ERLIN1: variants seen among roughly 807,000 people sequenced by gnomAD.
The protein encoded by ERLIN1 is ER lipid raft associated 1, also known as erlin-1.
In ERLIN1, 24 loss-of-function variants were observed where a neutral mutation model predicts 46.9. The observed-to-expected ratio is 0.51, with a 90% CI of 0.37 to 0.72. The LOEUF is 0.72. Among genes scored for constraint, ERLIN1 ranks in the 30% least tolerant of loss-of-function variants. The pLI is 0.00. For synonymous variants in ERLIN1, 158 were observed against 143.2 expected (o/e 1.10, Z -0.74); for missense variants, 293 against 417.9 (o/e 0.70, Z 2.61).
intron 7 of ERLIN1, among the ~76,000 whole-genome samples, chr10:100,165,671 G>A (rs1843597502): frequency 6.6e-6 from 1 of 152,140 alleles, no homozygotes; most frequent in Non-Finnish European, 1.5e-5. Flanking sequence ...ACAGGCATGA[G>A]CCACCGCACC....
At chr10:100,156,060 C>T in intron 9 of ERLIN1, 85 bp downstream of exon 9, 1 of 811,286 alleles carries the variant, frequency 1.2e-6, no homozygotes, top group Non-Finnish European at 2.1e-6. Flanking sequence ...GGCCTTCTCA[C>T]CCACCACAAT....
intron 6 of ERLIN1, among the ~76,000 whole-genome samples, chr10:100,171,965 G>A (rs1844025539): frequency 6.6e-6 from 1 of 152,086 alleles, no homozygotes; most frequent in Non-Finnish European, 1.5e-5. Context: ...ATGAGGGGGG[G>A]AGCTGCTAAA....
At chr10:100,182,911 T>C (rs1362426251) in intron 2 of ERLIN1, among the ~76,000 whole-genome samples, 3 of 152,202 alleles carry the variant, frequency 2.0e-5, no homozygotes, top group Non-Finnish European at 2.9e-5. Context: ...AGGGGAAGAA[T>C]ACATTTCACT....
chr10:100,154,770 T>A (rs1313770660), intron 10 of ERLIN1, 90 bp downstream of exon 10: 1 of 1,005,344 alleles, frequency 9.9e-7, no homozygotes, highest in East Asian at 2.5e-5. Flanking sequence ...TGACAATGGA[T>A]AAAATCACTT....
At chr10:100,157,187 T>C (rs1843125758) in intron 8 of ERLIN1, among the ~76,000 whole-genome samples, 1 of 152,208 alleles carries the variant, frequency 6.6e-6, no homozygotes, top group Non-Finnish European at 1.5e-5. Context: ...AGTTTTACTA[T>C]ACTCAGGATC....
rs1040740453 is a variant in ERLIN1, at chr10:100,150,944, G to A, written c.*1187C>T. ...AGTGGAATCCTGATCTCCTGGGGGAGGTGACAGCTGGAGAAACAACTTGGA... is the reference window on the plus strand; with the variant it reads ...AGTGGAATCCTGATCTCCTGGGGGAAGTGACAGCTGGAGAAACAACTTGGA... On this transcript the variant is annotated 3_prime_UTR_variant, in exon 11 of 11. Coordinates refer to ENST00000421367, the MANE Select transcript of ERLIN1 (RefSeq NM_006459.4). 1.1e-4 allele frequency: 16 copies of A among 152,230 alleles called. No individual in the cohort carries two copies. The highest frequency in any genetic ancestry group is 3.4e-4 in the African/African-American group (14 of 41,444). 9.4% of individuals were successfully genotyped at this position (152,230 alleles called of 1,614,324 possible). A position where few individuals can be genotyped will look rare whatever the true frequency, so the allele number is the denominator to read the frequency against.
chr10:100,167,273 G>T, intron 7 of ERLIN1, 75 bp downstream of exon 7: 3 of 1,073,192 alleles, frequency 2.8e-6, no homozygotes, highest in Non-Finnish European at 4.3e-6. Flanking sequence ...TGTCTCACAT[G>T]TTTCCTCTAG....
At chr10:100,181,924 T>C (rs1414317733) in intron 2 of ERLIN1, among the ~76,000 whole-genome samples, 10 of 152,352 alleles carry the variant, frequency 6.6e-5, no homozygotes, top group Middle Eastern at 3.4e-3. Context: ...CTAGCCCATG[T>C]AAAACTTTTT....
In ERLIN1 at chr10:100,185,631, G is replaced by T; in HGVS notation, c.-5C>A. On this transcript the variant is annotated 5_prime_UTR_variant, in exon 1 of 11. Transcript: ENST00000421367. The stretch of plus-strand genomic sequence containing the variant: ...CCGGGCTTGAGTCATATTCATTCTC[G>T]TTCCTCCTGGGAGCGGGAGAAAAGG... 6.2e-7 allele frequency: 1 copy of T among 1,612,498 alleles called. No individual in the cohort carries two copies. The highest frequency in any genetic ancestry group is 8.5e-7 in the Non-Finnish European group (1 of 1,178,526).
Position 100,151,207 on chromosome 10 carries a change from G to T in ERLIN1, c.*924C>A, listed in dbSNP as rs2134088866. 6.5e-6 allele frequency: 1 copy of T among 152,748 alleles called. No homozygotes were observed. The highest frequency in any genetic ancestry group is 2.1e-4 in the South Asian group (1 of 4,826). 9.5% of individuals were successfully genotyped at this position (152,748 alleles called of 1,614,324 possible). A position where few individuals can be genotyped will look rare whatever the true frequency, so the allele number is the denominator to read the frequency against. On this transcript the variant is annotated 3_prime_UTR_variant, in exon 11 of 11. Transcript: ENST00000421367. ...TCCTGTAATTATGATACAATACTGTGCAGCAAGTCACTAGGAATTGCATGC... is the reference window on the plus strand; with the variant it reads ...TCCTGTAATTATGATACAATACTGTTCAGCAAGTCACTAGGAATTGCATGC...
chr10:100,184,820 G>A (rs1401514403), intron 1 of ERLIN1, among the ~76,000 whole-genome samples: 2 of 152,154 alleles, frequency 1.3e-5, no homozygotes, highest in East Asian at 1.9e-4. Flanking sequence ...GTGGAAACAA[G>A]CAAAAAGTTG....
chr10:100,174,386 G>A (rs532476491), intron 5 of ERLIN1, 105 bp from the exon 6 acceptor site: 28 of 816,082 alleles, frequency 3.4e-5, no homozygotes, highest in African/African-American at 1.5e-4. Flanking sequence ...AGTTTCCACA[G>A]TACTATTCTT....
At chr10:100,183,613 T>C (rs1411167521) in intron 2 of ERLIN1, 143 bp downstream of exon 2, 3 of 542,670 alleles carry the variant, frequency 5.5e-6, no homozygotes, top group South Asian at 2.8e-5. Flanking sequence ...TTGTAACAAC[T>C]GTACTCTGAA....
chr10:100,153,483 CCTTAT>C (rs1369604835), intron 10 of ERLIN1, among the ~76,000 whole-genome samples: 3 of 152,178 alleles, frequency 2.0e-5, no homozygotes, highest in South Asian at 2.1e-4. Context: ...GTGATCCTCT[CCTTAT>C]CTTGAGTCCT....
rs35096142 is a variant in ERLIN1, at chr10:100,165,385, C to CTT, written c.564-1292_564-1291dup. Among the ~76,000 whole-genome samples the CTT allele has an allele frequency of 2.3e-3, 299 of 130,526 alleles. 4 individuals carry two copies. The highest frequency in any genetic ancestry group is 7.3e-3 in the African/African-American group (246 of 33,694). The allele number at this position is 130,526 out of a possible 152,430, so 85.6% of individuals were successfully genotyped here. A position where few individuals can be genotyped will look rare whatever the true frequency, so the allele number is the denominator to read the frequency against. On this transcript the variant is annotated intron_variant, in intron 7 of 10. Coordinates refer to ENST00000421367, the MANE Select transcript of ERLIN1 (RefSeq NM_006459.4). ...TCATTTTTCCGTCACCAGAAGCAAT[C>CTT]TTTTTTTTTTTTTTTTTTTGAGATG...
In ERLIN1 at chr10:100,164,059, CT is replaced by C. The variant is rs761363899; in HGVS notation, c.599del (p.Gln200ArgfsTer19). 9.9e-6 allele frequency: 16 copies of C among 1,613,362 alleles called. No homozygotes were observed. Among genetic ancestry groups the C allele is most frequent in the Non-Finnish European group, 1.3e-5 (15 of 1,179,662 alleles). On this transcript the variant is annotated frameshift_variant, in exon 8 of 11. Coordinates refer to ENST00000421367, the MANE Select transcript of ERLIN1 (RefSeq NM_006459.4). LOFTEE classifies it high-confidence loss of function. ...AEKTKLLIAAQKQKVVEKEAE... is the reference protein window; with the variant it reads ...AEKTKLLIAAXKQKVVEKEAE... Reference sequence around the variant, plus strand: ...CTTCTTTTTCCACAACCTTTTGTTTCTGTGCAGCTATAAGGAGTTTTGTCTT... The same window carrying C: ...CTTCTTTTTCCACAACCTTTTGTTTCGTGCAGCTATAAGGAGTTTTGTCTT...
chr10:100,176,355 A>T (rs1844301382), intron 4 of ERLIN1, among the ~76,000 whole-genome samples: 2 of 152,198 alleles, frequency 1.3e-5, no homozygotes, highest in South Asian at 4.1e-4. Flanking sequence ...TGGAGGTAAT[A>T]AGGAACTATC....
chr10:100,167,329 T>C lies in ERLIN1; in HGVS notation c.563+19A>G. ...ACAGCCCTAAACAGAAATATTGGGATCCCATGCATATTACTCACATTAACT... is the reference window on the plus strand; with the variant it reads ...ACAGCCCTAAACAGAAATATTGGGACCCCATGCATATTACTCACATTAACT... On this transcript the variant is annotated intron_variant, in intron 7 of 10. Coordinates refer to ENST00000421367, the MANE Select transcript of ERLIN1 (RefSeq NM_006459.4). 6.3e-7 allele frequency: 1 copy of C among 1,579,382 alleles called. No homozygotes were observed. Among genetic ancestry groups the C allele is most frequent in the East Asian group, 2.2e-5 (1 of 44,698 alleles).
chr10:100,165,749 A>T (rs1843602554), intron 7 of ERLIN1, among the ~76,000 whole-genome samples: 1 of 151,980 alleles, frequency 6.6e-6, no homozygotes, highest in Non-Finnish European at 1.5e-5. Context: ...TTTTTGAGAC[A>T]GAGTTTCGTT....
Sources: gnomAD v4.1 joint callset for allele counts (sites outside exome capture counted in the v4.1 genomes callset) on GRCh38, gnomAD v4.1.1 for gene constraint, MANE v1.5 for transcripts, NCBI Gene and HGNC (gene_info 2026-07-23, HGNC 2026-07-21) for gene names.